The following MEGF10 variants were observed in gnomAD, a reference collection of about 807,000 sequenced individuals.
MEGF10 encodes the protein multiple EGF like domains 10, also known as multiple epidermal growth factor-like domains protein 10.
Under a neutral mutation model 147.5 loss-of-function variants are expected in MEGF10, and 86 were observed. The observed-to-expected ratio is 0.58, with a 90% confidence interval of 0.49 to 0.70. MEGF10 has a LOEUF of 0.70. Ranked by LOEUF, MEGF10 falls within the 30% of genes least tolerant of loss-of-function variation. MEGF10 has a pLI of 0.00. For missense variants in MEGF10, 1,329 were observed against 1,487.3 expected, an observed-to-expected ratio of 0.89 and a Z score of 1.75; for synonymous variants, 478 against 525.5, an observed-to-expected ratio of 0.91 and a Z score of 1.24.
At chr5:127,381,709 C>T (rs1173923122) in intron 5 of MEGF10, among the ~76,000 whole-genome samples, 3 of 152,236 alleles carry the variant, frequency 2.0e-5, no homozygotes, top group African/African-American at 7.2e-5. Context: ...CTCGCTCTGT[C>T]ACCCAGGCTG....
At chr5:127,239,451 TTA>T in the MEGF10 span, among the ~76,000 whole-genome samples, 4 of 140,828 alleles carry the variant, frequency 2.8e-5, no homozygotes, top group Non-Finnish European at 6.1e-5. Context: ...TATATATATA[TTA>T]TATATAAAAT....
chr5:127,389,797 G>A (rs904344350), intron 5 of MEGF10, among the ~76,000 whole-genome samples: 5 of 151,984 alleles, frequency 3.3e-5, no homozygotes, highest in African/African-American at 7.3e-5. Context: ...GGAGGGAGAG[G>A]ATCAGAAAAA....
Position 127,369,981 on chromosome 5 carries a change from G to C in MEGF10, c.391G>C (p.Gly131Arg). 1 of 1,613,166 alleles carries C rather than the reference G, an allele frequency of 6.2e-7. No homozygotes were observed. Among genetic ancestry groups the C allele is most frequent in the Non-Finnish European group, 8.5e-7 (1 of 1,179,456 alleles). ...PNTCQCEPGWGGTNCSSACDG... is the reference protein window; with the variant it reads ...PNTCQCEPGWRGTNCSSACDG... ...CACCTGTCAGTGTGAGCCTGGCTGG[G>C]GAGGGACCAACTGCTCCAGTGGTAA... The change falls in exon 5 of 25, where the codon GGA (glycine) becomes CGA (arginine). Residue 131 changes from glycine (G) to arginine (R), a missense_variant. Gly to Arg is a moderately radical substitution (Grantham distance 125, BLOSUM62 -2). This residue lies in a region of MEGF10 where 980 missense variants were observed against 1,085.9 expected (regional missense o/e 0.90). Transcript: ENST00000503335.
intron 5 of MEGF10, among the ~76,000 whole-genome samples, chr5:127,374,642 A>T (rs924871016): frequency 6.6e-6 from 1 of 152,160 alleles, no homozygotes; most frequent in Non-Finnish European, 1.5e-5. Context: ...GTTATATTAA[A>T]TTTTTTTCAA....
chr5:127,392,009 A>C (rs1394118764), intron 5 of MEGF10, among the ~76,000 whole-genome samples: 1 of 152,164 alleles, frequency 6.6e-6, no homozygotes, highest in East Asian at 1.9e-4. Flanking sequence ...ACAAAAAGTA[A>C]AATAAAGAAA....
chr5:127,246,488 A>G, the MEGF10 span, among the ~76,000 whole-genome samples: 2 of 152,056 alleles, frequency 1.3e-5, no homozygotes. Context: ...TAGCATTAGG[A>G]GAAATGCCTA....
chr5:127,455,467 C>A lies in MEGF10; in HGVS notation c.3092C>A (p.Ala1031Asp). 6.2e-7 allele frequency: 1 copy of A among 1,614,008 alleles called. No individual in the cohort carries two copies. Among genetic ancestry groups the A allele is most frequent in the Non-Finnish European group, 8.5e-7 (1 of 1,179,976 alleles). Residue 1031 changes from alanine (A) to aspartate (D), a missense_variant, in exon 24 of 25, where the codon GCC (alanine) becomes GAC (aspartate). Physicochemically the swap from Ala to Asp is moderately radical, Grantham distance 126 (BLOSUM62 -2). This residue lies in a region of MEGF10 where 343 missense variants were observed against 377.9 expected (regional missense o/e 0.91). Coordinates refer to ENST00000503335, the MANE Select transcript of MEGF10 (RefSeq NM_001256545.2). ...CTAAGCAGTTCTGAGAACCCATATG[C>A]CACTATTAAAGACCCACCTGTACTT... Reference protein sequence around the residue: ...CSLSSSENPYATIKDPPVLIP... With the variant: ...CSLSSSENPYDTIKDPPVLIP...
chr5:127,277,287 G>A, the MEGF10 span, among the ~76,000 whole-genome samples: 12 of 152,160 alleles, frequency 7.9e-5, no homozygotes. Flanking sequence ...TCTCTCCTGG[G>A]AGCAGACCAC....
At chr5:127,362,415 A>G (rs1422545327) in intron 4 of MEGF10, among the ~76,000 whole-genome samples, 1 of 149,630 alleles carries the variant, frequency 6.7e-6, no homozygotes, top group African/African-American at 2.5e-5. Context: ...TGTCACCCAG[A>G]CTGGAGTTCA....
intron 4 of MEGF10, 139 bp from the exon 5 acceptor site, chr5:127,369,771 G>A (rs2126860585): frequency 1.7e-6 from 1 of 594,968 alleles, no homozygotes; most frequent in Non-Finnish European, 2.9e-6. Context: ...TAAGAGGGCT[G>A]AGGAACGGAC....
chr5:127,301,725 A>G (rs898919336), intron 1 of MEGF10, among the ~76,000 whole-genome samples: 1 of 152,212 alleles, frequency 6.6e-6, no homozygotes, highest in Non-Finnish European at 1.5e-5. Context: ...ATAATAGCAT[A>G]TACTTCAAAG....
chr5:127,331,819 T>A (rs1467135526), intron 2 of MEGF10, among the ~76,000 whole-genome samples: 1 of 151,934 alleles, frequency 6.6e-6, no homozygotes, highest in South Asian at 2.1e-4. Context: ...TATTGAAATA[T>A]ATGGGATTTA....
At chr5:127,315,512 A>AT (rs1760507641) in intron 1 of MEGF10, among the ~76,000 whole-genome samples, 1 of 152,202 alleles carries the variant, frequency 6.6e-6, no homozygotes, top group Admixed American at 6.5e-5. Context: ...GTGGTGGCCC[A>AT]TGGCTGTAAT....
intron 17 of MEGF10, among the ~76,000 whole-genome samples, chr5:127,440,286 G>A (rs538446147): frequency 1.8e-4 from 27 of 152,256 alleles, no homozygotes; most frequent in South Asian, 8.3e-4. Flanking sequence ...AGATACAGTG[G>A]ACAAGGCTAG....
At chr5:127,336,483 C>T (rs1158259764) in intron 2 of MEGF10, among the ~76,000 whole-genome samples, 2 of 152,034 alleles carry the variant, frequency 1.3e-5, no homozygotes, top group African/African-American at 4.8e-5. Flanking sequence ...CAGCAAGTGA[C>T]AAGAAGAGGA....
chr5:127,449,283 A>G (rs1766069291), intron 22 of MEGF10, 61 bp downstream of exon 22: 2 of 1,593,236 alleles, frequency 1.3e-6, no homozygotes, highest in African/African-American at 1.4e-5. Flanking sequence ...TGAAACAGTC[A>G]CGGATCTCTG....
the MEGF10 span, among the ~76,000 whole-genome samples, chr5:127,230,092 T>A: frequency 6.6e-6 from 1 of 152,082 alleles, no homozygotes; most frequent in Non-Finnish European, 1.5e-5. Flanking sequence ...GACTGTAATA[T>A]CCCTTGTAGT....
At chr5:127,403,293 T>A (rs1248938761) in intron 8 of MEGF10, among the ~76,000 whole-genome samples, 4 of 152,180 alleles carry the variant, frequency 2.6e-5, no homozygotes, top group Admixed American at 6.5e-5. Context: ...TTAATTTTTT[T>A]ATTTTTATTT....
intron 5 of MEGF10, among the ~76,000 whole-genome samples, chr5:127,391,095 C>A (rs963914728): frequency 3.3e-5 from 1 of 30,346 alleles, no homozygotes; most frequent in African/African-American, 7.0e-5. Flanking sequence ...CATGCGCGCG[C>A]GCGCGCGCAC....
Sources: gnomAD v4.1 joint callset for allele counts (sites outside exome capture counted in the v4.1 genomes callset) on GRCh38, gnomAD v4.1.1 for gene constraint, gnomAD v4.1.1 regional missense constraint, MANE v1.5 for transcripts, NCBI Gene and HGNC (gene_info 2026-07-23, HGNC 2026-07-21) for gene names.